NLRP6: variants seen among roughly 807,000 people sequenced by gnomAD.
The protein encoded by NLRP6 is NLR family pyrin domain containing 6.
NLRP6 carries 55 observed loss-of-function variants against 70.9 expected under a neutral mutation model. That is an observed-to-expected ratio of 0.78 (90% CI 0.62 to 0.97). The LOEUF (loss-of-function observed/expected upper bound fraction) is 0.97, where lower values mean the gene tolerates loss of function less well. Ranked by LOEUF, NLRP6 falls within the 50% of genes least tolerant of loss-of-function variation. The probability of loss-of-function intolerance (pLI) is 0.00; values close to 1 mark genes in which losing one functional copy is unlikely to be tolerated. For missense variants in NLRP6, 1,241 were observed against 1,238.3 expected (o/e 1.00, Z -0.03); for synonymous variants, 652 against 581.9 (o/e 1.12, Z -1.73).
In NLRP6 at chr11:285,238, G is replaced by A; in HGVS notation, c.2610G>A (p.Leu870=). 2 of 1,606,278 alleles carry A rather than the reference G, an allele frequency of 1.2e-6. No homozygotes were observed. Among genetic ancestry groups the A allele is most frequent in the Non-Finnish European group, 1.7e-6 (2 of 1,176,000 alleles). Reference sequence around the variant, plus strand: ...CTGTGAAGAGAGCAAAGCCGGATCTGGTCATCACACACCCAGCGCTGGACG... The same window carrying A: ...CTGTGAAGAGAGCAAAGCCGGATCTAGTCATCACACACCCAGCGCTGGACG... ...LQAVKRAKPD[L]VITHPALDGH... Residue 870 remains leucine (L), a synonymous_variant, in exon 8 of 8, where the codon CTG becomes CTA. Coordinates refer to ENST00000534750, the MANE Select transcript of NLRP6 (RefSeq NM_001276700.2).
rs147916706 is a variant in NLRP6 at position 285,263 on chromosome 11, G to A, written c.2635G>A (p.Gly879Ser). Reference sequence around the variant, plus strand: ...GGTCATCACACACCCAGCGCTGGACGGCCACCCACAACCTCCCAAGGAACT... The same window carrying A: ...GGTCATCACACACCCAGCGCTGGACAGCCACCCACAACCTCCCAAGGAACT... ...DLVITHPALD[G>S]HPQPPKELIS... Residue 879 changes from glycine to serine, a missense_variant, in exon 8 of 8, where the codon GGC becomes AGC. Physicochemically the swap from Gly to Ser is moderately conservative, Grantham distance 56. Transcript: ENST00000534750. The A allele has an allele frequency of 3.6e-4, 577 of 1,608,162 alleles. 2 individuals carry two copies. Among genetic ancestry groups the A allele is most frequent in the South Asian group, 3.5e-3 (313 of 89,790 alleles).
chr11:280,655 G>C lies in NLRP6; in HGVS notation c.921G>C (p.Val307=). Residue 307 remains valine (V), a synonymous_variant, in exon 4 of 8, where the codon GTG becomes GTC. Coordinates refer to ENST00000534750, the MANE Select transcript of NLRP6 (RefSeq NM_001276700.2). ...DPFEAASGAR[V]LGGLLSKALL... Reference sequence around the variant, plus strand: ...TCGAGGCGGCGAGCGGCGCGCGGGTGCTAGGCGGGCTGCTGAGCAAGGCGC... The same window carrying C: ...TCGAGGCGGCGAGCGGCGCGCGGGTCCTAGGCGGGCTGCTGAGCAAGGCGC... 1 of 1,523,768 alleles carries C rather than the reference G, an allele frequency of 6.6e-7. No individual in the cohort carries two copies. The highest frequency in any genetic ancestry group is 2.5e-5 in the East Asian group (1 of 39,976). The allele number at this position is 1,523,768 out of a possible 1,614,324, so 94.4% of individuals were successfully genotyped here. A position where few individuals can be genotyped will look rare whatever the true frequency, so the allele number is the denominator to read the frequency against.
At chr11:283,875 T>TG (rs1454564694) in intron 5 of NLRP6, among the ~76,000 whole-genome samples, 1 of 147,704 alleles carries the variant, frequency 6.8e-6, no homozygotes, top group African/African-American at 2.5e-5. Flanking sequence ...TTATTTATAA[T>TG]GGAAAAAAAA....
intron 2 of NLRP6, 66 bp from the exon 3 acceptor site, chr11:279,768 C>T (rs556737840): frequency 2.0e-6 from 3 of 1,518,850 alleles, no homozygotes; most frequent in Non-Finnish European, 2.7e-6. Flanking sequence ...CAGGGTGACT[C>T]GGACCCCCGT....
chr11:285,078 C>T (rs937738147), intron 7 of NLRP6, 88 bp from the exon 8 acceptor site: 64 of 1,208,252 alleles, frequency 5.3e-5, no homozygotes, highest in South Asian at 2.4e-4. Context: ...TCACTGCCCG[C>T]GGCCCGGCTG....
In NLRP6 at chr11:284,619, G is replaced by A. The variant is rs372637675; in HGVS notation, c.2514G>A (p.Gln838=). 1.9e-6 allele frequency: 3 copies of A among 1,608,810 alleles called. No homozygotes were observed. The highest frequency in any genetic ancestry group is 8.5e-7 in the Non-Finnish European group (1 of 1,179,542). Residue 838 remains glutamine (Q), a synonymous_variant, in exon 7 of 8, where the codon CAG becomes CAA. Transcript: ENST00000534750. The stretch of plus-strand genomic sequence containing the variant: ...ACCTGTGTGCAGTCCTGCAGCACCA[G>A]GGATGCGGCCTGCAGACCCTCAGGT... The part of the protein sequence containing the change: ...VTYLCAVLQH[Q]GCGLQTLSLA...
chr11:279,561 G>A lies in NLRP6; in HGVS notation c.264G>A (p.Ala88=), dbSNP rs557912291. ...LEVARKTLKR[A]DARDVAAQLQ... ...TGGCCCGCAAGACCCTCAAGAGGGCGGACGCGCGCGACGTGGCGGCGCAGC... is the reference window on the plus strand; with the variant it reads ...TGGCCCGCAAGACCCTCAAGAGGGCAGACGCGCGCGACGTGGCGGCGCAGC... The change falls in exon 2 of 8, where the codon GCG becomes GCA. Residue 88 remains alanine (A), a synonymous_variant. Coordinates refer to ENST00000534750, the MANE Select transcript of NLRP6 (RefSeq NM_001276700.2). The A allele has an allele frequency of 2.1e-6, 3 of 1,430,188 alleles. No homozygotes were observed. Among genetic ancestry groups the A allele is most frequent in the Admixed American group, 6.0e-5 (2 of 33,140 alleles). 88.6% of individuals were successfully genotyped at this position (1,430,188 alleles called of 1,614,324 possible).
At position 278,632 on chromosome 11, in the gene NLRP6, C is replaced by A; in HGVS notation, c.29+34C>A. ...TGGCCCCAGGGTGGTCACTGGGAAC[C>A]GGCTGGTCTCAGCCCTCTGGGGCCT... On this transcript the variant is annotated intron_variant, in intron 1 of 7. Transcript: ENST00000534750. The surrounding 1 kb of genome is among the most constrained non-coding windows in gnomAD (Gnocchi z 4.7). 1 of 1,560,686 alleles carries A rather than the reference C, an allele frequency of 6.4e-7. No individual in the cohort carries two copies. Among genetic ancestry groups the A allele is most frequent in the South Asian group, 1.2e-5 (1 of 85,004 alleles).
At chr11:279,697 G>A in intron 2 of NLRP6, 90 bp downstream of exon 2, 1 of 1,349,434 alleles carries the variant, frequency 7.4e-7, no homozygotes, top group Non-Finnish European at 9.6e-7. Context: ...CGCGGTCCCC[G>A]GCCCCCGCGC....
Position 280,094 on chromosome 11 carries a change from G to A in NLRP6, c.360G>A (p.Lys120=). 1 of 1,508,262 alleles carries A rather than the reference G, an allele frequency of 6.6e-7. No homozygotes were observed. Among genetic ancestry groups the A allele is most frequent in the Non-Finnish European group, 8.9e-7 (1 of 1,129,758 alleles). 93.4% of individuals were successfully genotyped at this position (1,508,262 alleles called of 1,614,324 possible). The change falls in exon 4 of 8, where the codon AAG becomes AAA. Residue 120 remains lysine, a synonymous_variant. Transcript: ENST00000534750. ...GTLLSVSEYK[K]KYREHVLQLH... ...TCCCGCTGCGCCCAGAGTACAAGAAGAAGTACCGGGAGCACGTGCTGCAGC... is the reference window on the plus strand; with the variant it reads ...TCCCGCTGCGCCCAGAGTACAAGAAAAAGTACCGGGAGCACGTGCTGCAGC...
chr11:283,190 C>T lies in NLRP6; in HGVS notation c.2198+393C>T, dbSNP rs74470661. Among the ~76,000 whole-genome samples the T allele has an allele frequency of 1.1e-3, 171 of 152,232 alleles. 2 individuals are homozygous for T. In the East Asian group the frequency reaches 0.024, roughly 21 times the overall value. On this transcript the variant is annotated intron_variant, in intron 5 of 7. Transcript: ENST00000534750. ...GGTCAGGCTGTCTGCAAATGCTAGC[C>T]GGCTTCTGCGTGCCCAGTAGCAAGT...
Position 278,673 on chromosome 11 carries a change from A to C in NLRP6, c.29+75A>C. 1 of 1,227,328 alleles carries C rather than the reference A, an allele frequency of 8.1e-7. No individual in the cohort carries two copies. The highest frequency in any genetic ancestry group is 1.1e-6 in the Non-Finnish European group (1 of 877,482). The allele number at this position is 1,227,328 out of a possible 1,614,324, so 76.0% of individuals were successfully genotyped here. On this transcript the variant is annotated intron_variant, in intron 1 of 7. Transcript: ENST00000534750. This position sits in a 1 kb window ranked among gnomAD's most constrained non-coding sequence, Gnocchi z 4.7. Reference sequence around the variant, plus strand: ...TCTGGGGCCTCCACCTCACCCGCTGACTTCCTCAGGCTCTCCACCCTTGTC... The same window carrying C: ...TCTGGGGCCTCCACCTCACCCGCTGCCTTCCTCAGGCTCTCCACCCTTGTC...
chr11:279,777 G>A, intron 2 of NLRP6, 57 bp from the exon 3 acceptor site: 1 of 1,545,592 alleles, frequency 6.5e-7, no homozygotes, highest in Non-Finnish European at 8.7e-7. Context: ...TCGGACCCCC[G>A]TGGCGCCTTC....
At chr11:282,872 G>T in intron 5 of NLRP6, 75 bp downstream of exon 5, 1 of 1,108,852 alleles carries the variant, frequency 9.0e-7, no homozygotes, top group South Asian at 1.2e-5. Context: ...ACGGAAGTAT[G>T]ACCTAGGAAA....
chr11:285,306 G>C lies in NLRP6; in HGVS notation c.*2G>C. The stretch of plus-strand genomic sequence containing the variant: ...AAGGAACTCATCTCGACCTTCTGAG[G>C]CTCTGGTGGCCAGAGCAGGGTGGAA... On this transcript the variant is annotated 3_prime_UTR_variant, in exon 8 of 8. Transcript: ENST00000534750. The C allele has an allele frequency of 6.2e-7, 1 of 1,607,398 alleles. No individual in the cohort carries two copies. Among genetic ancestry groups the C allele is most frequent in the Non-Finnish European group, 8.5e-7 (1 of 1,176,614 alleles).
Position 279,324 on chromosome 11 carries a change from C to T in NLRP6, c.30-3C>T. On this transcript the variant is annotated splice_region_variant and splice_polypyrimidine_tract_variant and intron_variant, in intron 1 of 7. Coordinates refer to ENST00000534750, the MANE Select transcript of NLRP6 (RefSeq NM_001276700.2). ...CCGATGACCCGCGCCCGCCCGCCTCCAGCACGGGGCCGCGCCTCGCGGTGG... is the reference window on the plus strand; with the variant it reads ...CCGATGACCCGCGCCCGCCCGCCTCTAGCACGGGGCCGCGCCTCGCGGTGG... 1 of 1,274,746 alleles carries T rather than the reference C, an allele frequency of 7.8e-7. No individual in the cohort carries two copies. The highest frequency in any genetic ancestry group is 1.5e-5 in the African/African-American group (1 of 64,610). The allele number at this position is 1,274,746 out of a possible 1,614,324, so 79.0% of individuals were successfully genotyped here. A position where few individuals can be genotyped will look rare whatever the true frequency, so the allele number is the denominator to read the frequency against.
At chr11:282,954 C>T (rs1007807314) in intron 5 of NLRP6, among the ~76,000 whole-genome samples, 157 bp downstream of exon 5, 19 of 151,994 alleles carry the variant, frequency 1.3e-4, no homozygotes, top group African/African-American at 4.4e-4. Context: ...CCACACAGAG[C>T]AGAGGGAGGA....
At position 280,145 on chromosome 11, in the gene NLRP6, C is replaced by T; in HGVS notation, c.411C>T (p.Asn137=). Reference sequence around the variant, plus strand: ...TGCACGCTCGGGTGAAGGAGAGGAACGCCCGCTCCGTGAAGATCACCAAGC... The same window carrying T: ...TGCACGCTCGGGTGAAGGAGAGGAATGCCCGCTCCGTGAAGATCACCAAGC... ...LQLHARVKER[N]ARSVKITKRF... The change falls in exon 4 of 8, where the codon AAC becomes AAT. Residue 137 remains asparagine, a synonymous_variant. Coordinates refer to ENST00000534750, the MANE Select transcript of NLRP6 (RefSeq NM_001276700.2). 1.3e-6 allele frequency: 2 copies of T among 1,550,040 alleles called. No homozygotes were observed. Among genetic ancestry groups the T allele is most frequent in the Non-Finnish European group, 1.7e-6 (2 of 1,148,092 alleles).
In NLRP6 at chr11:281,519, G is replaced by A. The variant is rs529111931; in HGVS notation, c.1785G>A (p.Glu595=). The A allele has an allele frequency of 7.5e-6, 12 of 1,607,072 alleles. No individual in the cohort carries two copies. In the African/African-American group the frequency reaches 1.6e-4, roughly 21 times the overall value. The change falls in exon 4 of 8, where the codon GAG becomes GAA. Residue 595 remains glutamate, a synonymous_variant. Coordinates refer to ENST00000534750, the MANE Select transcript of NLRP6 (RefSeq NM_001276700.2). ...CCGGAGTGGCACCAGAGGTGACCGA[G>A]GGGGCCAAAGGGCTCGAGGACACCG... is the stretch of plus-strand genomic sequence containing the variant. ...GCPGVAPEVT[E]GAKGLEDTEE...
Sources: gnomAD v4.1 joint callset for allele counts (sites outside exome capture counted in the v4.1 genomes callset) on GRCh38, gnomAD v4.1.1 for gene constraint, Gnocchi (gnomAD v3.1) non-coding constraint, MANE v1.5 for transcripts, NCBI Gene and HGNC (gene_info 2026-07-23, HGNC 2026-07-21) for gene names.